Variants in GLIS3 observed in about 807,000 individuals in gnomAD.
The protein encoded by GLIS3 is zinc finger protein GLIS3.
Under a neutral mutation model 78.6 loss-of-function variants are expected in GLIS3, and 53 were observed. The ratio of observed to expected loss-of-function variants is 0.67; its 90% CI spans 0.54 to 0.85. The LOEUF (loss-of-function observed/expected upper bound fraction) is 0.85. GLIS3 is among the 40% of genes least tolerant of loss of function. The pLI is 0.00. For missense variants in GLIS3, 1,703 were observed against 1,231.1 expected (o/e 1.38, Z -5.74); for synonymous variants, 684 against 509.9 (o/e 1.34, Z -4.60).
the GLIS3 span, among the ~76,000 whole-genome samples, chr9:4,353,993 A>ATTTTTTTT: frequency 1.4e-3 from 189 of 135,732 alleles, 3 homozygotes; most frequent in East Asian, 4.5e-3. Flanking sequence ...ACACCCGGCT[A>ATTTTTTTT]TTTTTTTTTT....
the GLIS3 span, among the ~76,000 whole-genome samples, chr9:4,488,085 A>T: frequency 7.0e-6 from 1 of 143,572 alleles, no homozygotes; most frequent in Non-Finnish European, 1.5e-5. Context: ...TTTTCTAAGC[A>T]CATGGTTTTA....
At chr9:4,259,040 T>C (rs1251806683) in intron 2 of GLIS3, among the ~76,000 whole-genome samples, 4 of 152,150 alleles carry the variant, frequency 2.6e-5, no homozygotes, top group African/African-American at 9.7e-5. Context: ...ATCTCCTGCC[T>C]GCTGCTGCCT....
At chr9:4,417,441 ACTTAATGTAT>A in the GLIS3 span, among the ~76,000 whole-genome samples, 1 of 152,266 alleles carries the variant, frequency 6.6e-6, no homozygotes, top group African/African-American at 2.4e-5. Flanking sequence ...ACTTTTTTCT[ACTTAATGTAT>A]CTTGGCAGTC....
chr9:4,479,581 A>G, the GLIS3 span, among the ~76,000 whole-genome samples: 1 of 151,838 alleles, frequency 6.6e-6, no homozygotes, highest in Non-Finnish European at 1.5e-5. Context: ...GCCCATGACC[A>G]TACTGTGGCT....
At position 4,101,335 on chromosome 9, in the gene GLIS3, C is replaced by G. The variant is rs116170418; in HGVS notation, c.1710+16433G>C. ...AGCACAGCTTCCCTACAGTGTGTCT[C>G]AAACTATGAAAAGTCTTTTCTCTCT... On this transcript the variant is annotated intron_variant, in intron 4 of 10. Transcript: ENST00000381971. Among the ~76,000 whole-genome samples the G allele has an allele frequency of 7.9e-3, 1,204 of 152,252 alleles. 17 individuals carry two copies. Among genetic ancestry groups the G allele is most frequent in the African/African-American group, 0.028 (1,155 of 41,530 alleles).
the GLIS3 span, among the ~76,000 whole-genome samples, chr9:4,372,730 C>T: frequency 6.6e-6 from 1 of 152,152 alleles, no homozygotes; most frequent in Non-Finnish European, 1.5e-5. Context: ...TTCCTAAAGA[C>T]TCCTAAAAAT....
At chr9:4,179,211 A>G (rs1817073914) in intron 2 of GLIS3, among the ~76,000 whole-genome samples, 1 of 152,226 alleles carries the variant, frequency 6.6e-6, no homozygotes, top group Non-Finnish European at 1.5e-5. Flanking sequence ...CAAACATGAG[A>G]AACTTATTAG....
At chr9:4,343,243 G>A in intron 2 of GLIS3, among the ~76,000 whole-genome samples, 1 of 152,278 alleles carries the variant, frequency 6.6e-6, no homozygotes, top group Middle Eastern at 3.4e-3. Flanking sequence ...TTGAAAGGCT[G>A]AGGTGGGAAG....
At chr9:4,031,363 C>T (rs1823817415) in intron 4 of GLIS3, among the ~76,000 whole-genome samples, 2 of 152,110 alleles carry the variant, frequency 1.3e-5, no homozygotes, top group Non-Finnish European at 2.9e-5. Context: ...TGAATACATG[C>T]TAAGTGGAAG....
chr9:4,171,413 T>A (rs1816364260), intron 2 of GLIS3, among the ~76,000 whole-genome samples: 1 of 152,090 alleles, frequency 6.6e-6, no homozygotes, highest in South Asian at 2.1e-4. Context: ...TTCTCCAACT[T>A]GAAAAAAAAT....
At chr9:4,395,996 T>A in the GLIS3 span, among the ~76,000 whole-genome samples, 1 of 151,886 alleles carries the variant, frequency 6.6e-6, no homozygotes, top group African/African-American at 2.4e-5. Context: ...ATGGTGTCGA[T>A]CTCCTGACCT....
In GLIS3 at chr9:3,937,095, G is replaced by A. The variant is rs748922836; in HGVS notation, c.1805C>T (p.Pro602Leu). 2.1e-5 allele frequency: 34 copies of A among 1,613,840 alleles called. No individual in the cohort carries two copies. The highest frequency in any genetic ancestry group is 2.5e-5 in the Non-Finnish European group (30 of 1,180,036). ...TGEKPYLCQHPGCQKAFSNSS... is the reference protein window; with the variant it reads ...TGEKPYLCQHLGCQKAFSNSS... ...GTTACTGAAGGCCTTCTGACAACCC[G>A]GATGCTGGCACAAATACGGCTTCTC... Residue 602 changes from proline (P) to leucine (L), a missense_variant, in exon 5 of 11, where the codon CCG (proline) becomes CTG (leucine). Coordinates refer to ENST00000381971, the MANE Select transcript of GLIS3 (RefSeq NM_001042413.2).
At chr9:4,217,196 C>A (rs1004488612) in intron 2 of GLIS3, among the ~76,000 whole-genome samples, 2 of 152,124 alleles carry the variant, frequency 1.3e-5, no homozygotes, top group African/African-American at 4.8e-5. Context: ...ACCCTAGCAC[C>A]CAAAGAGGAC....
At chr9:4,246,522 G>A (rs1432859936) in intron 2 of GLIS3, among the ~76,000 whole-genome samples, 1 of 152,154 alleles carries the variant, frequency 6.6e-6, no homozygotes, top group Non-Finnish European at 1.5e-5. Flanking sequence ...GTTGTTTCAG[G>A]ATGTCTAATG....
At chr9:4,385,566 G>A in the GLIS3 span, among the ~76,000 whole-genome samples, 5 of 151,388 alleles carry the variant, frequency 3.3e-5, no homozygotes, top group African/African-American at 9.7e-5. Context: ...TCGGGAGGCC[G>A]AGGCCGGAGA....
At chr9:4,073,825 C>G (rs967998389) in intron 4 of GLIS3, among the ~76,000 whole-genome samples, 1 of 152,074 alleles carries the variant, frequency 6.6e-6, no homozygotes, top group Non-Finnish European at 1.5e-5. Context: ...AGTAAAATTA[C>G]GCATGAAAGT....
chr9:3,908,631 A>C (rs1465138654), intron 6 of GLIS3, among the ~76,000 whole-genome samples: 2 of 151,262 alleles, frequency 1.3e-5, no homozygotes, highest in East Asian at 1.9e-4. Flanking sequence ...CCGAAATTTG[A>C]GCTGCTTCCC....
chr9:3,890,748 A>AAAC (rs752425739), intron 7 of GLIS3, among the ~76,000 whole-genome samples: 4 of 149,486 alleles, frequency 2.7e-5, no homozygotes, highest in African/African-American at 1.0e-4. Context: ...AAAACAAACC[A>AAAC]AACAACAACA....
chr9:4,146,924 T>A (rs1202263653), intron 2 of GLIS3, among the ~76,000 whole-genome samples: 4 of 152,242 alleles, frequency 2.6e-5, no homozygotes, highest in African/African-American at 9.6e-5. Context: ...TTTTAAAAAC[T>A]ATCTTGCTAT....
Sources: allele counts gnomAD v4.1 joint callset (sites outside exome capture counted in the v4.1 genomes callset), GRCh38; gene constraint gnomAD v4.1.1; transcripts MANE v1.5; gene names NCBI Gene and HGNC (gene_info 2026-07-23, HGNC 2026-07-21).